The following MYO1F variants were observed in gnomAD, a reference collection of about 807,000 sequenced individuals.
MYO1F encodes the protein myosin IF, also known as unconventional myosin-If.
In MYO1F, 60 loss-of-function variants were observed where a neutral mutation model predicts 146.6. That is an observed-to-expected ratio of 0.41 (90% CI 0.33 to 0.51). MYO1F has a LOEUF of 0.51. MYO1F is among the 20% of genes least tolerant of loss of function. MYO1F has a pLI of 0.25. For synonymous variants in MYO1F, 602 were observed against 602.1 expected (o/e 1.00, Z 0.00); for missense variants, 1,274 against 1,534.3 (o/e 0.83, Z 2.83).
At chr19:8,564,598 C>G (rs1355424993) in intron 1 of MYO1F, among the ~76,000 whole-genome samples, 1 of 151,800 alleles carries the variant, frequency 6.6e-6, no homozygotes, top group Non-Finnish European at 1.5e-5. Flanking sequence ...TAGGAGCCAT[C>G]GACTCAACCC....
At chr19:8,555,855 A>G in intron 1 of MYO1F, 59 bp from the exon 2 acceptor site, 1 of 1,533,524 alleles carries the variant, frequency 6.5e-7, no homozygotes, top group Non-Finnish European at 8.9e-7. Flanking sequence ...CACCTGGCTC[A>G]CCGACGCTAT....
rs1421979976 is a variant in MYO1F, at chr19:8,550,334, C to T, written c.927G>A (p.Leu309=). ...SVDLLAFPAY[L]LGIDSGRLQE... ...GCAGTCGCCCGCTGTCAATGCCCAGCAGGTAGGCGGGAAAGGCCAGGACTA... is the reference window on the plus strand; with the variant it reads ...GCAGTCGCCCGCTGTCAATGCCCAGTAGGTAGGCGGGAAAGGCCAGGACTA... Residue 309 remains leucine (L), a synonymous_variant, in exon 10 of 28, where the codon CTG becomes CTA. Transcript: ENST00000644032. 3 of 1,613,148 alleles carry T rather than the reference C, an allele frequency of 1.9e-6. No homozygotes were observed. Among genetic ancestry groups the T allele is most frequent in the African/African-American group, 2.7e-5 (2 of 74,920 alleles).
chr19:8,534,106 A>T (rs1432903498), intron 19 of MYO1F, among the ~76,000 whole-genome samples: 2 of 150,562 alleles, frequency 1.3e-5, no homozygotes, highest in East Asian at 4.0e-4. Flanking sequence ...TTGAACCAGG[A>T]AGGTGGAGGT....
chr19:8,560,328 C>CA (rs1386447961), intron 1 of MYO1F, among the ~76,000 whole-genome samples: 2 of 151,170 alleles, frequency 1.3e-5, no homozygotes, highest in East Asian at 2.0e-4. Context: ...ACTAAAAATA[C>CA]AAAAAAAGTA....
intron 12 of MYO1F, 58 bp from the exon 13 acceptor site, chr19:8,545,794 C>A (rs971534332): frequency 5.1e-6 from 6 of 1,182,352 alleles, no homozygotes; most frequent in Non-Finnish European, 7.6e-6. Context: ...GCCACCCTTC[C>A]CCCCATGTCC....
rs777299561 is a variant in MYO1F, at chr19:8,550,178, G to A, written c.1083C>T (p.Leu361=). 6.2e-7 allele frequency: 1 copy of A among 1,614,114 alleles called. No homozygotes were observed. Among genetic ancestry groups the A allele is most frequent in the Non-Finnish European group, 8.5e-7 (1 of 1,180,036 alleles). ...DALAKGLYAR[L]FDFLVEAINR... is the part of the protein sequence containing the mutation. ...CACTCGCCTCCACGAGGAAGTCGAA[G>A]AGGCGGGCATAGAGCCCCTTGGCCA... The change falls in exon 10 of 28, where the codon CTC becomes CTT. Residue 361 remains leucine, a synonymous_variant. Coordinates refer to ENST00000644032, the MANE Select transcript of MYO1F (RefSeq NM_012335.4).
In MYO1F at chr19:8,521,599, A is replaced by C; in HGVS notation, c.3226T>G (p.Ser1076Ala). 6.2e-7 allele frequency: 1 copy of C among 1,614,026 alleles called. No individual in the cohort carries two copies. Among genetic ancestry groups the C allele is most frequent in the Non-Finnish European group, 8.5e-7 (1 of 1,179,970 alleles). The change falls in exon 28 of 28, where the codon TCG becomes GCG. Residue 1076 changes from serine to alanine, a missense_variant. By Grantham distance (99) the Ser-to-Ala change is moderately conservative. Around this residue, in one of 2 missense-constraint regions of MYO1F, gnomAD observed 374 missense variants for 379.2 expected, o/e 0.99. Transcript: ENST00000644032. ...TGAAGCCGGCCCTTCCACCAGCCCG[A>C]GGGATCTGTGGGAGAGAGGAAAGCT... is the stretch of plus-strand genomic sequence containing the variant. ...EVIEILMEDP[S>A]GWWKGRLHGQ...
intron 14 of MYO1F, among the ~76,000 whole-genome samples, chr19:8,543,726 CTGGTGGTGCTGGTGGTGCTGGTGG>C (rs1973114804): frequency 8.0e-5 from 1 of 12,444 alleles, no homozygotes; most frequent in African/African-American, 3.9e-4. Context: ...GGTGGTGGTG[CTGGTGGTGCTGGTGGTGCTGGTGG>C]TGGTGGTGGT....
At chr19:8,540,313 T>C (rs915537440) in intron 15 of MYO1F, 8 of 330,008 alleles carry the variant, frequency 2.4e-5, no homozygotes, top group Non-Finnish European at 4.4e-5. Context: ...GCCACTGAAT[T>C]GTACATTTCA....
At chr19:8,541,108 C>T (rs997057506) in intron 15 of MYO1F, among the ~76,000 whole-genome samples, 6 of 151,824 alleles carry the variant, frequency 4.0e-5, no homozygotes, top group Admixed American at 6.6e-5. Flanking sequence ...CTCAGCCTCC[C>T]GAGTAGCTGG....
chr19:8,530,043 G>A lies in MYO1F; in HGVS notation c.2328+153C>T. 9.9e-7 allele frequency: 1 copy of A among 1,013,168 alleles called. No homozygotes were observed. The highest frequency in any genetic ancestry group is 2.4e-5 in the East Asian group (1 of 41,116). The allele number at this position is 1,013,168 out of a possible 1,614,324, so 62.8% of individuals were successfully genotyped here. A position where few individuals can be genotyped will look rare whatever the true frequency, so the allele number is the denominator to read the frequency against. On this transcript the variant is annotated intron_variant, in intron 21 of 27. Transcript: ENST00000644032. This position sits in a 1 kb window ranked among gnomAD's most constrained non-coding sequence, Gnocchi z 5.8. ...CTAGGCTGGGGGATCTATGCCTGTG[G>A]GCAGGTGCATATGGGCCAGGTGAGG...
intron 19 of MYO1F, among the ~76,000 whole-genome samples, chr19:8,533,333 A>G (rs1484747068): frequency 1.5e-5 from 2 of 135,732 alleles, no homozygotes; most frequent in Non-Finnish European, 3.1e-5. Flanking sequence ...CCAGCCTCAG[A>G]TTCTTCTTCT....
intron 2 of MYO1F, chr19:8,555,402 AAAAAG>A: frequency 1.3e-5 from 5 of 398,080 alleles, no homozygotes; most frequent in African/African-American, 4.2e-5. Flanking sequence ...AAAAAAAAAA[AAAAAG>A]AACAAACAGG....
At position 8,570,614 on chromosome 19, in the gene MYO1F, G is replaced by A. The variant is rs553184540; in HGVS notation, c.3+6693C>T. Among the ~76,000 whole-genome samples, 11 of 151,410 alleles carry A rather than the reference G, an allele frequency of 7.3e-5. No homozygotes were observed. The East Asian group carries it at 1.4e-3, about 19-fold the overall frequency. On this transcript the variant is annotated intron_variant, in intron 1 of 27. Coordinates refer to ENST00000644032, the MANE Select transcript of MYO1F (RefSeq NM_012335.4). ...ACTCCTGACCCCAAGTGATCTGCCC[G>A]CCTTGACCTCCCAAAGTGCTGGAAT...
At position 8,556,748 on chromosome 19, in the gene MYO1F, G is replaced by A. The variant is rs1044044065; in HGVS notation, c.4-952C>T. On this transcript the variant is annotated intron_variant, in intron 1 of 27. Coordinates refer to ENST00000644032, the MANE Select transcript of MYO1F (RefSeq NM_012335.4). ...ACTAAAAATACAAAATTAGCCAGGT[G>A]TGCTGGCACATGCCTGTTATCCCAG... 2.0e-5 allele frequency among the ~76,000 whole-genome samples: 3 copies of A among 151,892 alleles called. No individual in the cohort carries two copies. In the East Asian group the frequency reaches 5.8e-4, roughly 30 times the overall value.
chr19:8,550,048 A>G (rs1386797207), intron 10 of MYO1F, 112 bp downstream of exon 10: 3 of 1,273,616 alleles, frequency 2.4e-6, no homozygotes, highest in Non-Finnish European at 3.3e-6. Context: ...AATGCTCCCA[A>G]CTCAGCCACC....
Position 8,545,698 on chromosome 19 carries a change from G to A in MYO1F, c.1308C>T (p.Ile436=). 6 of 1,614,146 alleles carry A rather than the reference G, an allele frequency of 3.7e-6. No individual in the cohort carries two copies. Among genetic ancestry groups the A allele is most frequent in the Non-Finnish European group, 5.1e-6 (6 of 1,180,014 alleles). The part of the protein sequence containing the change: ...YVQEGIRWTP[I]QYFNNKVVCD... ...AGACGACCTTGTTGTTGAAGTACTG[G>A]ATTGGAGTCCAGCGGATGCCTTCCT... Residue 436 remains isoleucine (I), a synonymous_variant, in exon 13 of 28, where the codon ATC becomes ATT. Transcript: ENST00000644032.
chr19:8,528,337 G>A (rs1490685013), intron 21 of MYO1F, among the ~76,000 whole-genome samples: 2 of 151,962 alleles, frequency 1.3e-5, no homozygotes, highest in Non-Finnish European at 2.9e-5. Flanking sequence ...GACCATCCTG[G>A]CTAATACCAT....
Position 8,521,403 on chromosome 19 carries a change from A to G in MYO1F, c.*125T>C. 9.6e-7 allele frequency: 1 copy of G among 1,044,248 alleles called. No individual in the cohort carries two copies. Among genetic ancestry groups the G allele is most frequent in the Admixed American group, 2.0e-5 (1 of 50,540 alleles). The allele number at this position is 1,044,248 out of a possible 1,614,324, so 64.7% of individuals were successfully genotyped here. ...AGGGCCTGGGCAGGACTGGAGGCCA[A>G]AGGACTGGACTTTTAGGCTATTGCA... On this transcript the variant is annotated 3_prime_UTR_variant, in exon 28 of 28. Coordinates refer to ENST00000644032, the MANE Select transcript of MYO1F (RefSeq NM_012335.4).
Sources: gnomAD v4.1 joint callset for allele counts (sites outside exome capture counted in the v4.1 genomes callset) on GRCh38, gnomAD v4.1.1 for gene constraint, gnomAD v4.1.1 regional missense constraint, Gnocchi (gnomAD v3.1) non-coding constraint, MANE v1.5 for transcripts, NCBI Gene and HGNC (gene_info 2026-07-23, HGNC 2026-07-21) for gene names.